The following ACAP2 variants were observed in gnomAD, a reference collection of about 807,000 sequenced individuals.
The protein encoded by ACAP2 is ArfGAP with coiled-coil, ankyrin repeat and PH domains 2, also known as arf-GAP with coiled-coil, ANK repeat and PH domain-containing protein 2.
In ACAP2, 39 loss-of-function variants were observed where a neutral mutation model predicts 115.8. That is an observed-to-expected ratio of 0.34 (90% CI 0.26 to 0.44). The LOEUF is 0.44. Among genes scored for constraint, ACAP2 ranks in the 20% least tolerant of loss-of-function variants. The probability of loss-of-function intolerance (pLI) is 1.00; values close to 1 mark genes in which losing one functional copy is unlikely to be tolerated. For missense variants in ACAP2, 662 were observed against 927.6 expected (o/e 0.71, Z 3.72); for synonymous variants, 289 against 315.8 (o/e 0.92, Z 0.90).
intron 4 of ACAP2, among the ~76,000 whole-genome samples, chr3:195,364,453 C>G (rs1732579049): frequency 6.6e-6 from 1 of 152,078 alleles, no homozygotes; most frequent in South Asian, 2.1e-4. Flanking sequence ...TGCCTGTAAT[C>G]CCAGCACTTA....
chr3:195,298,693 A>G (rs1727818810), intron 15 of ACAP2, among the ~76,000 whole-genome samples: 1 of 151,664 alleles, frequency 6.6e-6, no homozygotes, highest in South Asian at 2.1e-4. Flanking sequence ...GTGCAATGGC[A>G]CAATCTCGGC....
intron 1 of ACAP2, 111 bp downstream of exon 1, chr3:195,442,684 C>T (rs1166074162): frequency 2.5e-6 from 3 of 1,185,530 alleles, no homozygotes; most frequent in Non-Finnish European, 2.3e-6. Context: ...CCGCTCGCCC[C>T]GTCGGAAGGA....
At chr3:195,382,449 T>C (rs1027687410) in intron 2 of ACAP2, among the ~76,000 whole-genome samples, 6 of 152,234 alleles carry the variant, frequency 3.9e-5, no homozygotes, top group Admixed American at 2.0e-4. Context: ...CTTTCTTTCA[T>C]CTTTCTCTTT....
chr3:195,372,649 C>A (rs1254006477), intron 4 of ACAP2, among the ~76,000 whole-genome samples: 2 of 151,898 alleles, frequency 1.3e-5, no homozygotes, highest in Non-Finnish European at 2.9e-5. Flanking sequence ...CAGGAAGACC[C>A]CCGCTCTACA....
Position 195,424,261 on chromosome 3 carries a change from G to GTGTGTGTGTA in ACAP2, c.53+18533_53+18534insTACACACACA, listed in dbSNP as rs1456909404. ...GTGTGTGTGGTGTGTGTGTGTGTGT[G>GTGTGTGTGTA]TATATATATATATATATATATATTT... On this transcript the variant is annotated intron_variant, in intron 1 of 22. Transcript: ENST00000326793. 7.3e-5 allele frequency among the ~76,000 whole-genome samples: 4 copies of GTGTGTGTGTA among 54,674 alleles called. No homozygotes were observed. In the East Asian group the frequency reaches 2.2e-3, roughly 30 times the overall value. The allele number at this position is 54,674 out of a possible 152,430, so 35.9% of individuals were successfully genotyped here. A position where few individuals can be genotyped will look rare whatever the true frequency, so the allele number is the denominator to read the frequency against.
At chr3:195,406,289 G>A (rs955451169) in intron 1 of ACAP2, among the ~76,000 whole-genome samples, 5 of 152,056 alleles carry the variant, frequency 3.3e-5, no homozygotes, top group African/African-American at 7.2e-5. Context: ...ATAGTCTAAA[G>A]GAGATTGTGT....
At chr3:195,369,112 G>T (rs1327426995) in intron 4 of ACAP2, among the ~76,000 whole-genome samples, 1 of 151,256 alleles carries the variant, frequency 6.6e-6, no homozygotes, top group Non-Finnish European at 1.5e-5. Context: ...AAAAAAAGAG[G>T]AAGAAATTAA....
intron 8 of ACAP2, among the ~76,000 whole-genome samples, chr3:195,330,005 T>A (rs1483882928): frequency 1.3e-5 from 2 of 152,076 alleles, no homozygotes. Context: ...GGCAACTAGA[T>A]TTTTTTAAAT....
At chr3:195,422,236 A>C (rs1267493065) in intron 1 of ACAP2, among the ~76,000 whole-genome samples, 5 of 152,068 alleles carry the variant, frequency 3.3e-5, no homozygotes, top group Non-Finnish European at 7.4e-5. Context: ...TAACTGATGT[A>C]TTTTAAAGCA....
intron 10 of ACAP2, among the ~76,000 whole-genome samples, chr3:195,319,619 T>G (rs967963317): frequency 2.6e-5 from 4 of 152,250 alleles, no homozygotes; most frequent in South Asian, 2.1e-4. Context: ...GTGGGGCCTG[T>G]GACCCCTTTG....
At position 195,302,082 on chromosome 3, in the gene ACAP2, C is replaced by T; in HGVS notation, c.1209G>A (p.Gln403=). Residue 403 remains glutamine (Q), a synonymous_variant, in exon 14 of 23, where the codon CAG becomes CAA. Transcript: ENST00000326793. ...CATTGCCAGGGATACACTGGACCCG[C>T]TGAAGCGCACTTTCTCCTTTCAATA... is the stretch of plus-strand genomic sequence containing the variant. ...EKLLKGESAL[Q]RVQCIPGNAS... 6.2e-7 allele frequency: 1 copy of T among 1,614,178 alleles called. No individual in the cohort carries two copies. Among genetic ancestry groups the T allele is most frequent in the Non-Finnish European group, 8.5e-7 (1 of 1,180,044 alleles).
intron 4 of ACAP2, among the ~76,000 whole-genome samples, chr3:195,351,978 G>A (rs183165818): frequency 1.3e-5 from 2 of 152,262 alleles, no homozygotes; most frequent in East Asian, 3.9e-4. Flanking sequence ...AATCCACTTT[G>A]CAAAACAACA....
At chr3:195,350,633 A>G (rs1018536508) in intron 4 of ACAP2, among the ~76,000 whole-genome samples, 1 of 149,600 alleles carries the variant, frequency 6.7e-6, no homozygotes, top group African/African-American at 2.5e-5. Context: ...CAGAAAACAA[A>G]GCAAGACTGT....
In ACAP2 at chr3:195,276,472, T is replaced by C. The variant is rs961976721; in HGVS notation, c.*2856A>G. On this transcript the variant is annotated 3_prime_UTR_variant, in exon 23 of 23. Transcript: ENST00000326793. ...CTTTTATTCTAGCTCTAACATGAAA[T>C]TGCATTTTATTAACTCTTCATAGTG... 1.3e-5 allele frequency: 2 copies of C among 152,218 alleles called. No individual in the cohort carries two copies. Among genetic ancestry groups the C allele is most frequent in the African/African-American group, 4.8e-5 (2 of 41,456 alleles). 9.4% of individuals were successfully genotyped at this position (152,218 alleles called of 1,614,324 possible).
rs541860766 is a variant in ACAP2 at position 195,294,280 on chromosome 3, C to T, written c.1765+439G>A. On this transcript the variant is annotated intron_variant, in intron 18 of 22. Transcript: ENST00000326793. ...TACCTTCTAAAAGACTAACCCCTTC[C>T]TTTAAAATATTTAATCAAGAGTAGG... Among the ~76,000 whole-genome samples, 19 of 151,828 alleles carry T rather than the reference C, an allele frequency of 1.3e-4. No homozygotes were observed. The South Asian group carries it at 3.7e-3, about 30-fold the overall frequency.
At chr3:195,429,157 G>A (rs1222111142) in intron 1 of ACAP2, among the ~76,000 whole-genome samples, 12 of 152,082 alleles carry the variant, frequency 7.9e-5, no homozygotes, top group Admixed American at 7.9e-4. Flanking sequence ...GGAGGCTGAG[G>A]TGGGTGAATC....
intron 22 of ACAP2, chr3:195,282,552 AT>A (rs556595079): frequency 2.4e-3 from 368 of 152,336 alleles, no homozygotes; most frequent in African/African-American, 8.3e-3. Flanking sequence ...CTTCAATGTG[AT>A]TTTTTAATAT....
rs561891756 is a variant in ACAP2 at position 195,310,855 on chromosome 3, T to C, written c.858-2018A>G. On this transcript the variant is annotated intron_variant, in intron 10 of 22. Coordinates refer to ENST00000326793, the MANE Select transcript of ACAP2 (RefSeq NM_012287.6). ...AACTGAGGAAAGAAAATATAAACTC[T>C]TAATTTTACATCTCTTAAGGAAAAA... is the stretch of plus-strand genomic sequence containing the variant. Among the ~76,000 whole-genome samples, 166 of 152,218 alleles carry C rather than the reference T, an allele frequency of 1.1e-3. 1 individual carries two copies. The highest frequency in any genetic ancestry group is 3.9e-3 in the African/African-American group (160 of 41,546).
chr3:195,417,530 AC>A (rs892696970), intron 1 of ACAP2, among the ~76,000 whole-genome samples: 11 of 152,154 alleles, frequency 7.2e-5, no homozygotes, highest in African/African-American at 2.4e-4. Flanking sequence ...CCAAAAGCGG[AC>A]CATCATTTCT....
Sources: gnomAD v4.1 joint callset for allele counts (sites outside exome capture counted in the v4.1 genomes callset) on GRCh38, gnomAD v4.1.1 for gene constraint, MANE v1.5 for transcripts, NCBI Gene and HGNC (gene_info 2026-07-23, HGNC 2026-07-21) for gene names.